Variants in RAVER1 observed in about 807,000 individuals in gnomAD.
The protein encoded by RAVER1 is ribonucleoprotein PTB-binding 1.
RAVER1 carries 36 observed loss-of-function variants against 68.4 expected under a neutral mutation model. The observed-to-expected ratio is 0.53, with a 90% CI of 0.40 to 0.70. The LOEUF (loss-of-function observed/expected upper bound fraction) is 0.70. Among genes scored for constraint, RAVER1 ranks in the 30% least tolerant of loss-of-function variants. The pLI is 0.00. For missense variants in RAVER1, 933 were observed against 1,019.8 expected (o/e 0.91, Z 1.16); for synonymous variants, 469 against 472.7 (o/e 0.99, Z 0.10).
At position 10,325,897 on chromosome 19, in the gene RAVER1, G is replaced by C. The variant is rs549438610; in HGVS notation, c.757-2331C>G. ...AGCACTGCCAGCCCCATTTTGAGAT[G>C]TGGAAACAGGCTAGGAGAGTACCTG... On this transcript the variant is annotated intron_variant, in intron 3 of 12. Transcript: ENST00000617231. Among the ~76,000 whole-genome samples the C allele has an allele frequency of 5.2e-3, 796 of 152,262 alleles. 7 individuals are homozygous for C. The highest frequency in any genetic ancestry group is 0.018 in the African/African-American group (756 of 41,558).
chr19:10,331,393 CAAAAA>C (rs1171709414), intron 1 of RAVER1, among the ~76,000 whole-genome samples: 221 of 48,518 alleles, frequency 4.6e-3, no homozygotes, highest in Non-Finnish European at 7.1e-3. Flanking sequence ...ATAACAACAA[CAAAAA>C]AAAAAAAAAA....
At position 10,322,489 on chromosome 19, in the gene RAVER1, G is replaced by T. The variant is rs1000868412; in HGVS notation, c.1173+156C>A. 7.2e-6 allele frequency: 4 copies of T among 557,170 alleles called. No individual in the cohort carries two copies. Among genetic ancestry groups the T allele is most frequent in the Non-Finnish European group, 1.3e-5 (4 of 319,234 alleles). The allele number at this position is 557,170 out of a possible 1,614,324, so 34.5% of individuals were successfully genotyped here. On this transcript the variant is annotated intron_variant, in intron 6 of 12. Coordinates refer to ENST00000617231, the MANE Select transcript of RAVER1 (RefSeq NM_133452.3). This position sits in a 1 kb window ranked among gnomAD's most constrained non-coding sequence, Gnocchi z 4.3. The stretch of plus-strand genomic sequence containing the variant: ...TTGCCAGAGGGGGATGGGGATGTGG[G>T]TGGGAAAGGCAGGGGTTTGGGGGAG...
In RAVER1 at chr19:10,322,727, G is replaced by T; in HGVS notation, c.1091C>A (p.Ala364Asp). ...ATTGAGCAGCGGCATGGCTGGGGGG[G>T]CACCCAGGAGGCCTGGAGGGAGACA... ...SAGGKQGLLG[A>D]PPAMPLLNGP... is the part of the protein sequence containing the mutation. The change falls in exon 6 of 13, where the codon GCC becomes GAC. Residue 364 changes from alanine to aspartate, a missense_variant. Transcript: ENST00000617231. This position sits in a 1 kb window ranked among gnomAD's most constrained non-coding sequence, Gnocchi z 4.3. 6.6e-7 allele frequency: 1 copy of T among 1,506,378 alleles called. No homozygotes were observed. The highest frequency in any genetic ancestry group is 1.4e-5 in the South Asian group (1 of 73,804). 93.3% of individuals were successfully genotyped at this position (1,506,378 alleles called of 1,614,324 possible). A position where few individuals can be genotyped will look rare whatever the true frequency, so the allele number is the denominator to read the frequency against.
chr19:10,321,131 G>A lies in RAVER1; in HGVS notation c.1390C>T (p.Pro464Ser). 3.1e-6 allele frequency: 4 copies of A among 1,304,686 alleles called. No homozygotes were observed. Among genetic ancestry groups the A allele is most frequent in the Non-Finnish European group, 3.9e-6 (4 of 1,026,484 alleles). 80.8% of individuals were successfully genotyped at this position (1,304,686 alleles called of 1,614,324 possible). The change falls in exon 8 of 13, where the codon CCT becomes TCT. Residue 464 changes from proline to serine, a missense_variant. Pro to Ser is a moderately conservative substitution (Grantham distance 74, BLOSUM62 -1). Coordinates refer to ENST00000617231, the MANE Select transcript of RAVER1 (RefSeq NM_133452.3). ...GLGPPAAQLT[P>S]PPAPVGLRGS... is the part of the protein sequence containing the mutation. Reference sequence around the variant, plus strand: ...CGGAGCCCCACAGGGGCGGGGGGAGGAGTGAGCTGGGCCGCTGGGGGACCC... The same window carrying A: ...CGGAGCCCCACAGGGGCGGGGGGAGAAGTGAGCTGGGCCGCTGGGGGACCC...
rs767330911 is a variant in RAVER1, at chr19:10,323,185, C to G, written c.1038G>C (p.Leu346=). ...NLGPSASLQL[L]LNPLLHGSAG... is the part of the protein sequence containing the mutation. ...CACTGCCATGGAGCAGGGGGTTGAG[C>G]AGCAGCTGGAGGGACGCGGATGGGC... is the stretch of plus-strand genomic sequence containing the variant. Residue 346 remains leucine, a synonymous_variant, in exon 5 of 13, where the codon CTG becomes CTC. Coordinates refer to ENST00000617231, the MANE Select transcript of RAVER1 (RefSeq NM_133452.3). This position sits in a 1 kb window ranked among gnomAD's most constrained non-coding sequence, Gnocchi z 6.2. The G allele has an allele frequency of 3.1e-6, 5 of 1,611,954 alleles. No individual in the cohort carries two copies. Among genetic ancestry groups the G allele is most frequent in the Non-Finnish European group, 1.7e-6 (2 of 1,179,156 alleles).
At chr19:10,331,165 A>C (rs1231582739) in intron 1 of RAVER1, among the ~76,000 whole-genome samples, 1 of 149,512 alleles carries the variant, frequency 6.7e-6, no homozygotes, top group Non-Finnish European at 1.5e-5. Flanking sequence ...CTGGCTAACA[A>C]GGTGAAACCC....
chr19:10,329,934 C>CACCCAGGTAGAAACCCTGTCTCT lies in RAVER1; in HGVS notation c.286+503_286+525dup, dbSNP rs2040501315. ...CCTCCTCACCTGGTTAACCTGGACCCACCCAGGTAGAAACCCTGTCTCTAC... is the reference window on the plus strand; with the variant it reads ...CCTCCTCACCTGGTTAACCTGGACCCACCCAGGTAGAAACCCTGTCTCTACCCAGGTAGAAACCCTGTCTCTAC... On this transcript the variant is annotated intron_variant, in intron 2 of 12. Coordinates refer to ENST00000617231, the MANE Select transcript of RAVER1 (RefSeq NM_133452.3). This position sits in a 1 kb window ranked among gnomAD's most constrained non-coding sequence, Gnocchi z 4.6. Among the ~76,000 whole-genome samples the CACCCAGGTAGAAACCCTGTCTCT allele has an allele frequency of 6.6e-6, 1 of 152,010 alleles. No homozygotes were observed. The highest frequency in any genetic ancestry group is 1.5e-5 in the Non-Finnish European group (1 of 68,002).
rs141086623 is a variant in RAVER1 at position 10,330,630 on chromosome 19, A to AC, written c.220-105dup. The stretch of plus-strand genomic sequence containing the variant: ...CAGCTATGAAGGCAGGTCAATTACC[A>AC]CCCCCCATTTTACCAATGAGGAAAC... On this transcript the variant is annotated intron_variant, in intron 1 of 12. Transcript: ENST00000617231. 3,938 of 626,834 alleles carry AC rather than the reference A, an allele frequency of 6.3e-3. 104 individuals carry two copies. The African/African-American group carries it at 0.064, about 10-fold the overall frequency. The allele number at this position is 626,834 out of a possible 1,614,324, so 38.8% of individuals were successfully genotyped here.
chr19:10,328,914 A>G lies in RAVER1; in HGVS notation c.484T>C (p.Phe162Leu). ...CCAGTGCGCTCACTGTAGACCAGGA[A>G]GCAGCGCTCCAGGCTGCCGAAGGGC... ...VRPFGSLERC[F>L]LVYSERTGQS... The change falls in exon 3 of 13, where the codon TTC (phenylalanine) becomes CTC (leucine). Residue 162 changes from phenylalanine to leucine, a missense_variant. By Grantham distance (22) the Phe-to-Leu change is conservative (BLOSUM62 0). This residue lies in a region of RAVER1 where 211 missense variants were observed against 230.0 expected (regional missense o/e 0.92). Coordinates refer to ENST00000617231, the MANE Select transcript of RAVER1 (RefSeq NM_133452.3). This position sits in a 1 kb window ranked among gnomAD's most constrained non-coding sequence, Gnocchi z 4.4. The G allele has an allele frequency of 6.2e-7, 1 of 1,612,754 alleles. No individual in the cohort carries two copies. Among genetic ancestry groups the G allele is most frequent in the South Asian group, 1.1e-5 (1 of 91,062 alleles).
intron 1 of RAVER1, among the ~76,000 whole-genome samples, chr19:10,330,934 C>T (rs1344893190): frequency 6.6e-6 from 1 of 151,690 alleles, no homozygotes; most frequent in Non-Finnish European, 1.5e-5. Context: ...AGTGGTGGCG[C>T]ACACCTGTAA....
intron 1 of RAVER1, among the ~76,000 whole-genome samples, chr19:10,330,756 T>G (rs374740820): frequency 5.3e-5 from 8 of 152,322 alleles, no homozygotes; most frequent in African/African-American, 1.9e-4. Flanking sequence ...CCAGGCAACA[T>G]GCTCTTAGAG....
In RAVER1 at chr19:10,317,435, T is replaced by G. The variant is rs958246747; in HGVS notation, c.*19A>C. On this transcript the variant is annotated 3_prime_UTR_variant, in exon 13 of 13. Transcript: ENST00000617231. This position sits in a 1 kb window ranked among gnomAD's most constrained non-coding sequence, Gnocchi z 4.3. ...AGCGATTTGGTGCAGGCCCTTGAGT[T>G]ATCTCTGGTGCCAGCCACTTAGAAA... is the stretch of plus-strand genomic sequence containing the variant. The G allele has an allele frequency of 2.5e-6, 4 of 1,613,302 alleles. No individual in the cohort carries two copies. Among genetic ancestry groups the G allele is most frequent in the Non-Finnish European group, 2.5e-6 (3 of 1,179,396 alleles).
At position 10,320,103 on chromosome 19, in the gene RAVER1, C is replaced by T. The variant is rs180927175; in HGVS notation, c.1770+552G>A. Among the ~76,000 whole-genome samples the T allele has an allele frequency of 1.6e-4, 25 of 152,210 alleles. No homozygotes were observed. In the East Asian group the frequency reaches 2.7e-3, roughly 16 times the overall value. Reference sequence around the variant, plus strand: ...AGTCCTCTTGGGAGAGAAAGACAGACGCAGGATGACAGACAGACTGAGACC... The same window carrying T: ...AGTCCTCTTGGGAGAGAAAGACAGATGCAGGATGACAGACAGACTGAGACC... On this transcript the variant is annotated intron_variant, in intron 9 of 12. Transcript: ENST00000617231.
In RAVER1 at chr19:10,317,264, T is replaced by A. The variant is rs1005480081; in HGVS notation, c.*190A>T. 6.1e-6 allele frequency: 4 copies of A among 656,076 alleles called. No individual in the cohort carries two copies. Among genetic ancestry groups the A allele is most frequent in the Admixed American group, 2.8e-5 (1 of 35,356 alleles). 40.6% of individuals were successfully genotyped at this position (656,076 alleles called of 1,614,324 possible). On this transcript the variant is annotated 3_prime_UTR_variant, in exon 13 of 13. Coordinates refer to ENST00000617231, the MANE Select transcript of RAVER1 (RefSeq NM_133452.3). This position sits in a 1 kb window ranked among gnomAD's most constrained non-coding sequence, Gnocchi z 4.3. Reference sequence around the variant, plus strand: ...CAGCGTGGGGAGCAAGCCAGAGACATAATGAGGCCTCCAGACTCCCCCACA... The same window carrying A: ...CAGCGTGGGGAGCAAGCCAGAGACAAAATGAGGCCTCCAGACTCCCCCACA...
At position 10,316,758 on chromosome 19, in the gene RAVER1, G is replaced by T. The variant is rs941893524; in HGVS notation, c.*696C>A. ...GTCCATAGTCAAGCTCCCAGAGCTT[G>T]GCATCTGTGGCTCTGGCCAGCAGGG... On this transcript the variant is annotated 3_prime_UTR_variant, in exon 13 of 13. Transcript: ENST00000617231. 6.6e-5 allele frequency: 11 copies of T among 167,126 alleles called. No individual in the cohort carries two copies. The highest frequency in any genetic ancestry group is 2.4e-4 in the African/African-American group (10 of 41,680). The allele number at this position is 167,126 out of a possible 1,614,324, so 10.4% of individuals were successfully genotyped here. A position where few individuals can be genotyped will look rare whatever the true frequency, so the allele number is the denominator to read the frequency against.
chr19:10,324,616 C>T (rs1259904995), intron 3 of RAVER1, among the ~76,000 whole-genome samples: 1 of 152,104 alleles, frequency 6.6e-6, no homozygotes, highest in Non-Finnish European at 1.5e-5. Context: ...TGACCTCAAG[C>T]GATCCGCCTG....
intron 2 of RAVER1, 28 bp downstream of exon 2, chr19:10,330,431 GC>G: frequency 8.6e-7 from 1 of 1,168,652 alleles, no homozygotes; most frequent in Non-Finnish European, 1.3e-6. Context: ...GTCACTCCCT[GC>G]CCTGGCCCGC....
chr19:10,331,425 A>T (rs1268889710), intron 1 of RAVER1, among the ~76,000 whole-genome samples: 4 of 138,960 alleles, frequency 2.9e-5, no homozygotes, highest in African/African-American at 1.1e-4. Flanking sequence ...GGCCGGGCTC[A>T]CGCCTGTAAT....
rs1475988252 is a variant in RAVER1 at position 10,329,741 on chromosome 19, C to T, written c.287-630G>A. On this transcript the variant is annotated intron_variant, in intron 2 of 12. Transcript: ENST00000617231. This position sits in a 1 kb window ranked among gnomAD's most constrained non-coding sequence, Gnocchi z 4.6. ...CGGCCGCAGGAAGCTTTGTTCAAAA[C>T]GATCACGCCACATCCATCTTGTGGC... Among the ~76,000 whole-genome samples the T allele has an allele frequency of 2.6e-5, 4 of 152,190 alleles. No individual in the cohort carries two copies. The highest frequency in any genetic ancestry group is 1.3e-4 in the Admixed American group (2 of 15,274).
Sources: allele counts gnomAD v4.1 joint callset (sites outside exome capture counted in the v4.1 genomes callset), GRCh38; gene constraint gnomAD v4.1.1; regional missense constraint gnomAD v4.1.1; non-coding constraint Gnocchi (gnomAD v3.1); transcripts MANE v1.5; gene names NCBI Gene and HGNC (gene_info 2026-07-23, HGNC 2026-07-21).